Variants in TPR observed in about 807,000 individuals in gnomAD.
TPR encodes the protein translocated promoter region, nuclear basket protein, also known as nucleoprotein TPR.
Under a neutral mutation model 316.1 loss-of-function variants are expected in TPR, and 51 were observed. The observed-to-expected ratio is 0.16, with a 90% CI of 0.13 to 0.20. TPR has a LOEUF of 0.20. Ranked by LOEUF, TPR falls within the 10% of genes least tolerant of loss-of-function variation. TPR has a pLI of 1.00. For missense variants in TPR, 2,272 were observed against 2,754.8 expected, an observed-to-expected ratio of 0.82 and a Z score of 3.92; for synonymous variants, 981 against 914.7, an observed-to-expected ratio of 1.07 and a Z score of -1.31.
rs528714229 is a variant in TPR, at chr1:186,355,015, T to C, written c.2171+395A>G. Among the ~76,000 whole-genome samples, 252 of 152,304 alleles carry C rather than the reference T, an allele frequency of 1.7e-3. 2 individuals carry two copies. The highest frequency in any genetic ancestry group is 5.6e-3 in the African/African-American group (233 of 41,558). On this transcript the variant is annotated intron_variant, in intron 17 of 50. Coordinates refer to ENST00000367478, the MANE Select transcript of TPR (RefSeq NM_003292.3). ...GCCTCCTGGGCTCAAGTGATTCTCC[T>C]GCCTTAGCCTCCTGAGTAGCTGGGA...
chr1:186,330,433 T>C (rs940152433), intron 39 of TPR, among the ~76,000 whole-genome samples: 4 of 152,132 alleles, frequency 2.6e-5, no homozygotes, highest in Admixed American at 2.6e-4. Context: ...ACTGTCTTTG[T>C]GTCCTGTAGT....
chr1:186,361,168 G>A (rs978124326), intron 9 of TPR, among the ~76,000 whole-genome samples: 3 of 151,922 alleles, frequency 2.0e-5, no homozygotes, highest in African/African-American at 7.2e-5. Context: ...GTATATCTTT[G>A]ATTTCGATTT....
Position 186,318,533 on chromosome 1 carries a change from A to G in TPR, c.6735T>C (p.Thr2245=), listed in dbSNP as rs1657678654. 6.2e-7 allele frequency: 1 copy of G among 1,614,062 alleles called. No homozygotes were observed. Among genetic ancestry groups the G allele is most frequent in the East Asian group, 2.2e-5 (1 of 44,894 alleles). Residue 2245 remains threonine (T), a synonymous_variant, in exon 48 of 51, where the codon ACT becomes ACC. Transcript: ENST00000367478. ...EHASQSVPMV[T]TSTGTLSTTN... ...TTGTAGATAAAGTGCCAGTGGATGT[A>G]GTCACCATTGGAACAGATTGAGAGG... is the stretch of plus-strand genomic sequence containing the variant.
rs781374268 is a variant in TPR at position 186,370,959 on chromosome 1, A to G, written c.330+11T>C. Reference sequence around the variant, plus strand: ...GTCTACAATGAGCTTATTCTAAGAAATATCTCTTACCTGAATGGCAATATT... The same window carrying G: ...GTCTACAATGAGCTTATTCTAAGAAGTATCTCTTACCTGAATGGCAATATT... On this transcript the variant is annotated intron_variant, in intron 3 of 50. Transcript: ENST00000367478. 4.4e-6 allele frequency: 7 copies of G among 1,607,868 alleles called. No individual in the cohort carries two copies. The highest frequency in any genetic ancestry group is 6.0e-6 in the Non-Finnish European group (7 of 1,175,256).
At position 186,324,821 on chromosome 1, in the gene TPR, A is replaced by AAGGG. The variant is rs986738070; in HGVS notation, c.6112+939_6112+942dup. Among the ~76,000 whole-genome samples, 53 of 151,270 alleles carry AAGGG rather than the reference A, an allele frequency of 3.5e-4. No homozygotes were observed. In the East Asian group the frequency reaches 6.7e-3, roughly 19 times the overall value. On this transcript the variant is annotated intron_variant, in intron 42 of 50. Transcript: ENST00000367478. ...AAATAGGAAAAAGAAGGAAGGAAGG[A>AAGGG]AGGGAGGGAGGGAGGGAGACCTAGA... is the stretch of plus-strand genomic sequence containing the variant.
In TPR at chr1:186,354,663, TAAC is replaced by T. The variant is rs575607922; in HGVS notation, c.2171+744_2171+746del. On this transcript the variant is annotated intron_variant, in intron 17 of 50. Coordinates refer to ENST00000367478, the MANE Select transcript of TPR (RefSeq NM_003292.3). ...ACTAACAAGCATTCAATGAATTTAATAACAAATAATCATGAAATATTTATTATT... is the reference window on the plus strand; with the variant it reads ...ACTAACAAGCATTCAATGAATTTAATAAATAATCATGAAATATTTATTATT... Among the ~76,000 whole-genome samples, 183 of 152,304 alleles carry T rather than the reference TAAC, an allele frequency of 1.2e-3. 1 individual carries two copies. Among genetic ancestry groups the T allele is most frequent in the African/African-American group, 4.2e-3 (174 of 41,560 alleles).
chr1:186,335,540 A>G lies in TPR; in HGVS notation c.4709T>C (p.Val1570Ala), dbSNP rs771682349. 1 of 1,591,054 alleles carries G rather than the reference A, an allele frequency of 6.3e-7. No individual in the cohort carries two copies. Among genetic ancestry groups the G allele is most frequent in the Non-Finnish European group, 8.5e-7 (1 of 1,172,120 alleles). Reference protein sequence around the residue: ...AKSKIAHLAGVKDQLTKENEE... With the variant: ...AKSKIAHLAGAKDQLTKENEE... ...ATTTTCTTTAGTTAGCTGATCTTTT[A>G]CACCTAAAGAAGTAACCAGGCGATT... is the stretch of plus-strand genomic sequence containing the variant. The change falls in exon 34 of 51, where the codon GTA becomes GCA. Residue 1570 changes from valine (V) to alanine (A), a missense_variant. Around this residue, in one of 10 missense-constraint regions of TPR, gnomAD observed 109 missense variants for 215.3 expected, o/e 0.51. Transcript: ENST00000367478.
chr1:186,317,403 T>C (rs1321252192), intron 49 of TPR, 79 bp downstream of exon 49: 1 of 1,086,688 alleles, frequency 9.2e-7, no homozygotes, highest in Admixed American at 1.8e-5. Context: ...GGATTATTAA[T>C]TTGTTACTAA....
intron 50 of TPR, chr1:186,314,307 T>A: frequency 2.5e-6 from 1 of 399,390 alleles, no homozygotes; most frequent in Admixed American, 4.1e-5. Context: ...TATAAAAAAA[T>A]TAACAATATA....
chr1:186,327,385 G>A (rs1323550231), intron 40 of TPR, 75 bp downstream of exon 40: 1 of 1,383,242 alleles, frequency 7.2e-7, no homozygotes, highest in Non-Finnish European at 9.9e-7. Context: ...TACAGCCAAT[G>A]CATTAGTATC....
At chr1:186,353,167 T>C (rs1658916750) in intron 18 of TPR, among the ~76,000 whole-genome samples, 1 of 152,066 alleles carries the variant, frequency 6.6e-6, no homozygotes, top group Non-Finnish European at 1.5e-5. Context: ...GGTCAGTAGA[T>C]CGAGACCATC....
At chr1:186,334,121 T>C (rs1658267567) in intron 36 of TPR, among the ~76,000 whole-genome samples, 1 of 152,192 alleles carries the variant, frequency 6.6e-6, no homozygotes, top group Non-Finnish European at 1.5e-5. Context: ...CAGTATGATT[T>C]TCCAAAGTGG....
At chr1:186,338,760 C>CCCTATATCCCAAGTAT (rs1449034118) in intron 30 of TPR, among the ~76,000 whole-genome samples, 1 of 152,148 alleles carries the variant, frequency 6.6e-6, no homozygotes, top group Non-Finnish European at 1.5e-5. Context: ...AGTTTGCCAA[C>CCCTATATCCCAAGTAT]CCCTGTCCTA....
At chr1:186,359,621 A>C (rs1303103040) in intron 12 of TPR, among the ~76,000 whole-genome samples, 178 bp downstream of exon 12, 1 of 152,100 alleles carries the variant, frequency 6.6e-6, no homozygotes, top group African/African-American at 2.4e-5. Context: ...ATACATAAAA[A>C]TTGCTAAATA....
At chr1:186,325,395 A>G (rs1276035899) in intron 42 of TPR, 1 of 164,530 alleles carries the variant, frequency 6.1e-6, no homozygotes, top group Non-Finnish European at 1.3e-5. Flanking sequence ...CAAAGCTCCA[A>G]TAGCCCCAAA....
chr1:186,331,574 A>G lies in TPR; in HGVS notation c.5612T>C (p.Val1871Ala). Residue 1871 changes from valine (V) to alanine (A), a missense_variant, in exon 39 of 51, where the codon GTT (valine) becomes GCT (alanine). By Grantham distance (64) the Val-to-Ala change is moderately conservative. This residue lies in a region of TPR where 435 missense variants were observed against 461.1 expected (regional missense o/e 0.94). Coordinates refer to ENST00000367478, the MANE Select transcript of TPR (RefSeq NM_003292.3). ...TCCATCAGTACTTTCTTCTGCCATA[A>G]CTTCTTCCTGTATCATAATACACTA... ...SVTPVGTEEE[V>A]MAEESTDGEV... The G allele has an allele frequency of 6.2e-7, 1 of 1,606,424 alleles. No individual in the cohort carries two copies. The highest frequency in any genetic ancestry group is 1.1e-5 in the South Asian group (1 of 90,058).
intron 26 of TPR, 122 bp from the exon 27 acceptor site, chr1:186,343,595 A>T: frequency 2.4e-6 from 2 of 842,874 alleles, no homozygotes; most frequent in Non-Finnish European, 3.5e-6. Flanking sequence ...GTTTTCATTA[A>T]TAATAAATAA....
At position 186,357,828 on chromosome 1, in the gene TPR, T is replaced by C. The variant is rs971362601; in HGVS notation, c.1498-205A>G. 4.6e-5 allele frequency among the ~76,000 whole-genome samples: 7 copies of C among 152,210 alleles called. No homozygotes were observed. The East Asian group carries it at 5.8e-4, about 13-fold the overall frequency. On this transcript the variant is annotated intron_variant, in intron 13 of 50. Transcript: ENST00000367478. ...AATAAAATTACTTTTAAGTATGTAT[T>C]GAAGGCTATTACTTATTACAAAGTA...
intron 23 of TPR, among the ~76,000 whole-genome samples, 155 bp downstream of exon 23, chr1:186,345,980 A>G (rs1280569262): frequency 6.6e-6 from 1 of 152,206 alleles, no homozygotes; most frequent in Non-Finnish European, 1.5e-5. Context: ...AAATGTATAT[A>G]GAGGTACAGA....
Sources: allele counts gnomAD v4.1 joint callset (sites outside exome capture counted in the v4.1 genomes callset), GRCh38; gene constraint gnomAD v4.1.1; regional missense constraint gnomAD v4.1.1; transcripts MANE v1.5; gene names NCBI Gene and HGNC (gene_info 2026-07-23, HGNC 2026-07-21).